Variants in NCLN observed in about 807,000 individuals in gnomAD.
The protein encoded by NCLN is BOS complex subunit NCLN.
Under a neutral mutation model 69.5 loss-of-function variants are expected in NCLN, and 34 were observed. That is an observed-to-expected ratio of 0.49 (90% CI 0.37 to 0.65). The LOEUF is 0.65. Among genes scored for constraint, NCLN ranks in the 30% least tolerant of loss-of-function variants. NCLN has a pLI of 0.00. For missense variants in NCLN, 710 were observed against 804.8 expected (o/e 0.88, Z 1.42); for synonymous variants, 393 against 358.3 (o/e 1.10, Z -1.09).
At chr19:3,203,971 C>A in intron 7 of NCLN, 34 bp from the exon 8 acceptor site, 1 of 1,543,410 alleles carries the variant, frequency 6.5e-7, no homozygotes, top group Non-Finnish European at 8.7e-7. Context: ...CTTCCTGGTC[C>A]CCACCCACCC....
At chr19:3,190,112 G>A (rs1182564817) in intron 1 of NCLN, among the ~76,000 whole-genome samples, 1 of 152,208 alleles carries the variant, frequency 6.6e-6, no homozygotes, top group Admixed American at 6.5e-5. Context: ...CCCCTGGGAG[G>A]CCAGGGCATG....
At position 3,199,662 on chromosome 19, in the gene NCLN, C is replaced by A. The variant is rs551183987; in HGVS notation, c.696+765C>A. 2.1e-5 allele frequency among the ~76,000 whole-genome samples: 3 copies of A among 143,866 alleles called. No homozygotes were observed. In the East Asian group the frequency reaches 6.2e-4, roughly 30 times the overall value. 94.4% of individuals were successfully genotyped at this position (143,866 alleles called of 152,430 possible). On this transcript the variant is annotated intron_variant, in intron 5 of 14. Transcript: ENST00000246117. ...GAGTGGGGTGGGGGGGCATGTACCACGGTGTCAACCAGCACCCTGCCTCCT... is the reference window on the plus strand; with the variant it reads ...GAGTGGGGTGGGGGGGCATGTACCAAGGTGTCAACCAGCACCCTGCCTCCT...
intron 1 of NCLN, among the ~76,000 whole-genome samples, chr19:3,191,894 G>T (rs1915835978): frequency 6.6e-6 from 1 of 152,134 alleles, no homozygotes; most frequent in Non-Finnish European, 1.5e-5. Context: ...GGGCTCTGCT[G>T]TCATTAGAAA....
At chr19:3,187,814 G>A (rs1419300821) in intron 1 of NCLN, among the ~76,000 whole-genome samples, 2 of 152,204 alleles carry the variant, frequency 1.3e-5, no homozygotes, top group Non-Finnish European at 2.9e-5. Flanking sequence ...AGGCTCTGGA[G>A]GGTGGGAGTG....
chr19:3,201,651 A>G, intron 6 of NCLN, 25 bp downstream of exon 6: 11 of 620,004 alleles, frequency 1.8e-5, no homozygotes, highest in Non-Finnish European at 3.0e-5. Context: ...GGGCAGGGGG[A>G]TGGGGGTGCG....
At position 3,191,948 on chromosome 19, in the gene NCLN, G is replaced by A. The variant is rs530731818; in HGVS notation, c.185-522G>A. Among the ~76,000 whole-genome samples the A allele has an allele frequency of 9.2e-5, 14 of 152,276 alleles. No individual in the cohort carries two copies. In the East Asian group the frequency reaches 2.7e-3, roughly 29 times the overall value. On this transcript the variant is annotated intron_variant, in intron 1 of 14. Coordinates refer to ENST00000246117, the MANE Select transcript of NCLN (RefSeq NM_020170.4). Reference sequence around the variant, plus strand: ...TCACGCCTGAAATCCCTGAACTTTGGGAGGCCAAGGTGCGAGTATCACCTG... The same window carrying A: ...TCACGCCTGAAATCCCTGAACTTTGAGAGGCCAAGGTGCGAGTATCACCTG...
intron 1 of NCLN, among the ~76,000 whole-genome samples, chr19:3,189,889 C>A (rs1203140724): frequency 1.3e-5 from 2 of 152,206 alleles, no homozygotes; most frequent in African/African-American, 4.8e-5. Flanking sequence ...CGAGGCGGGG[C>A]TCCGATGGGC....
intron 1 of NCLN, among the ~76,000 whole-genome samples, chr19:3,191,092 G>A (rs562084769): frequency 2.0e-5 from 3 of 151,600 alleles, no homozygotes; most frequent in African/African-American, 7.3e-5. Flanking sequence ...CAGGGAGATC[G>A]TCGCGGTGCG....
Position 3,205,635 on chromosome 19 carries a change from G to A in NCLN, c.1209-304G>A, listed in dbSNP as rs1219520472. 6.6e-6 allele frequency among the ~76,000 whole-genome samples: 1 copy of A among 152,190 alleles called. No homozygotes were observed. Among genetic ancestry groups the A allele is most frequent in the East Asian group, 1.9e-4 (1 of 5,196 alleles). On this transcript the variant is annotated intron_variant, in intron 9 of 14. Transcript: ENST00000246117. This position sits in a 1 kb window ranked among gnomAD's most constrained non-coding sequence, Gnocchi z 4.6. ...GTCCCAGAATGGATTCTTCCACCAG[G>A]ACGGAATAGTCCAGTTTAAATTCTG...
At chr19:3,197,739 G>T (rs2144906826) in intron 4 of NCLN, among the ~76,000 whole-genome samples, 1 of 151,848 alleles carries the variant, frequency 6.6e-6, no homozygotes, top group African/African-American at 2.4e-5. Flanking sequence ...TCCTGCCTCA[G>T]CCTCCTAAGT....
chr19:3,186,352 T>A, intron 1 of NCLN, 138 bp downstream of exon 1: 1 of 1,032,764 alleles, frequency 9.7e-7, no homozygotes, highest in Non-Finnish European at 1.3e-6. Flanking sequence ...GGCAGAGCCC[T>A]GCCGCCCTGG....
In NCLN at chr19:3,193,513, T is replaced by C. The variant is rs1599351021; in HGVS notation, c.520+85T>C. The C allele has an allele frequency of 4.9e-6, 7 of 1,431,032 alleles. No homozygotes were observed. In the Admixed American group the frequency reaches 1.3e-4, roughly 26 times the overall value. 88.6% of individuals were successfully genotyped at this position (1,431,032 alleles called of 1,614,324 possible). On this transcript the variant is annotated intron_variant, in intron 3 of 14. Coordinates refer to ENST00000246117, the MANE Select transcript of NCLN (RefSeq NM_020170.4). ...CCCAAGGGCTGCGGTCACCCTGGGC[T>C]GTTTCTGCTCTCAGCGTGTGGCATC... is the stretch of plus-strand genomic sequence containing the variant.
chr19:3,188,051 C>T (rs558007223), intron 1 of NCLN, among the ~76,000 whole-genome samples: 2 of 152,216 alleles, frequency 1.3e-5, no homozygotes, highest in East Asian at 3.9e-4. Flanking sequence ...AGTAGCCACG[C>T]GTGCCTGCGG....
At chr19:3,192,998 A>G (rs1408892201) in intron 2 of NCLN, among the ~76,000 whole-genome samples, 1 of 145,260 alleles carries the variant, frequency 6.9e-6, no homozygotes, top group East Asian at 2.2e-4. Flanking sequence ...TAGAGTGAAC[A>G]AGACCTGGTA....
intron 1 of NCLN, among the ~76,000 whole-genome samples, chr19:3,188,275 C>T (rs543633366): frequency 6.6e-6 from 1 of 151,956 alleles, no homozygotes; most frequent in Admixed American, 6.6e-5. Context: ...CAAGAACCCA[C>T]CCAGGGAATG....
intron 4 of NCLN, among the ~76,000 whole-genome samples, chr19:3,196,872 C>T (rs1280601480): frequency 3.3e-5 from 5 of 152,222 alleles, no homozygotes; most frequent in African/African-American, 1.2e-4. Flanking sequence ...TGCGGGACGG[C>T]GCCGGTGAGG....
rs1243109766 is a variant in NCLN, at chr19:3,203,957, G to T, written c.890-48G>T. 12 of 1,544,152 alleles carry T rather than the reference G, an allele frequency of 7.8e-6. No homozygotes were observed. In the Admixed American group the frequency reaches 1.2e-4, roughly 15 times the overall value. ...AGGAGGCACAGAGGGAGGGCCGGGG[G>T]CCACTTCCTGGTCCCCACCCACCCC... On this transcript the variant is annotated intron_variant, in intron 7 of 14. Transcript: ENST00000246117.
intron 4 of NCLN, among the ~76,000 whole-genome samples, chr19:3,197,091 C>T (rs966003955): frequency 5.3e-5 from 8 of 152,218 alleles, no homozygotes; most frequent in Non-Finnish European, 8.8e-5. Context: ...TTGTCGATGG[C>T]GGCTGTTCTG....
Position 3,205,795 on chromosome 19 carries a change from A to T in NCLN, c.1209-144A>T. The stretch of plus-strand genomic sequence containing the variant: ...ATCTGCATCTACATGTTAGCCAAGT[A>T]GTTAAAGCTAAGCTTAATTTTTTTT... On this transcript the variant is annotated intron_variant, in intron 9 of 14. Transcript: ENST00000246117. This position sits in a 1 kb window ranked among gnomAD's most constrained non-coding sequence, Gnocchi z 4.6. 1.3e-6 allele frequency: 1 copy of T among 764,870 alleles called. No individual in the cohort carries two copies. The highest frequency in any genetic ancestry group is 2.2e-6 in the Non-Finnish European group (1 of 464,830). 47.4% of individuals were successfully genotyped at this position (764,870 alleles called of 1,614,324 possible).
Sources: gnomAD v4.1 joint callset for allele counts (sites outside exome capture counted in the v4.1 genomes callset) on GRCh38, gnomAD v4.1.1 for gene constraint, Gnocchi (gnomAD v3.1) non-coding constraint, MANE v1.5 for transcripts, NCBI Gene and HGNC (gene_info 2026-07-23, HGNC 2026-07-21) for gene names.